Variants in HS3ST4 observed in about 807,000 individuals in gnomAD.
HS3ST4 encodes the protein heparan sulfate glucosamine 3-O-sulfotransferase 4.
A neutral mutation model predicts 29.2 loss-of-function variants in HS3ST4; 17 were observed. That is an observed-to-expected ratio of 0.58 (90% CI 0.40 to 0.87). The LOEUF (loss-of-function observed/expected upper bound fraction) is 0.87. HS3ST4 is among the 40% of genes least tolerant of loss of function. HS3ST4 has a pLI of 0.00. For synonymous variants in HS3ST4, 314 were observed against 285.7 expected (o/e 1.10, Z -1.00); for missense variants, 627 against 634.5 (o/e 0.99, Z 0.13).
chr16:26,055,557 TACTC>T lies in HS3ST4; in HGVS notation c.735-80051_735-80048del, dbSNP rs138098451. Among the ~76,000 whole-genome samples, 316 of 152,256 alleles carry T rather than the reference TACTC, an allele frequency of 2.1e-3. 5 individuals are homozygous for T. Among genetic ancestry groups the T allele is most frequent in the African/African-American group, 7.2e-3 (301 of 41,540 alleles). ...ATGGTGGTAGCCTAGTTCTGGGTGT[TACTC>T]ACTAATCTAGCTAAGGCTAGCAATA... On this transcript the variant is annotated intron_variant, in intron 1 of 1. Transcript: ENST00000331351.
At chr16:26,129,198 G>A (rs1899386121) in intron 1 of HS3ST4, among the ~76,000 whole-genome samples, 1 of 152,214 alleles carries the variant, frequency 6.6e-6, no homozygotes, top group South Asian at 2.1e-4. Flanking sequence ...AATTTCTAGG[G>A]ATTCTGGTCT....
At chr16:25,961,180 C>A (rs1968789736) in intron 1 of HS3ST4, among the ~76,000 whole-genome samples, 1 of 152,170 alleles carries the variant, frequency 6.6e-6, no homozygotes, top group Non-Finnish European at 1.5e-5. Flanking sequence ...ACGGTAGCCA[C>A]AACCAACAGC....
At chr16:25,766,851 T>A (rs556350261) in intron 1 of HS3ST4, among the ~76,000 whole-genome samples, 33 of 152,264 alleles carry the variant, frequency 2.2e-4, no homozygotes, top group African/African-American at 7.9e-4. Context: ...GAGGGTCCTG[T>A]CATCTCCATT....
intron 1 of HS3ST4, among the ~76,000 whole-genome samples, chr16:25,857,015 T>C (rs547192868): frequency 6.6e-6 from 1 of 152,292 alleles, no homozygotes; most frequent in East Asian, 1.9e-4. Context: ...TTTGTTGGAC[T>C]TGACCTGTTG....
chr16:25,748,433 C>A (rs924137245), intron 1 of HS3ST4, among the ~76,000 whole-genome samples: 1 of 152,142 alleles, frequency 6.6e-6, no homozygotes, highest in Non-Finnish European at 1.5e-5. Context: ...ACTGCAGAGC[C>A]CAGCTCCTAC....
At chr16:26,006,300 GAAAAAAAA>G (rs11461863) in intron 1 of HS3ST4, among the ~76,000 whole-genome samples, 138 of 68,672 alleles carry the variant, frequency 2.0e-3, no homozygotes, top group African/African-American at 7.9e-3. Flanking sequence ...CTCTGTTTCA[GAAAAAAAA>G]AAAAAAAAAA....
chr16:25,873,378 TCATCCATCCATC>T (rs371356328), intron 1 of HS3ST4, among the ~76,000 whole-genome samples: 20 of 96,758 alleles, frequency 2.1e-4, no homozygotes, highest in East Asian at 6.4e-4. Flanking sequence ...AGCCATCCAG[TCATCCATCCATC>T]CATCCATCCA....
At position 25,943,316 on chromosome 16, in the gene HS3ST4, G is replaced by C. The variant is rs1003777435; in HGVS notation, c.735-192296G>C. Among the ~76,000 whole-genome samples the C allele has an allele frequency of 4.6e-5, 7 of 152,152 alleles. No homozygotes were observed. The East Asian group carries it at 1.3e-3, about 29-fold the overall frequency. ...AATCCAGGAAATATGGAATAGTTCT[G>C]AATACTCTGGAGCAACATGAGGTGC... On this transcript the variant is annotated intron_variant, in intron 1 of 1. Coordinates refer to ENST00000331351, the MANE Select transcript of HS3ST4 (RefSeq NM_006040.3).
chr16:26,077,723 A>G (rs1052693227), intron 1 of HS3ST4, among the ~76,000 whole-genome samples: 5 of 152,250 alleles, frequency 3.3e-5, no homozygotes, highest in African/African-American at 7.2e-5. Flanking sequence ...AAGGACATTT[A>G]TGTAGATATG....
rs138427066 is a variant in HS3ST4, at chr16:25,863,817, C to T, written c.734+170666C>T. On this transcript the variant is annotated intron_variant, in intron 1 of 1. Transcript: ENST00000331351. ...TGAACATCGTGCTACTCAAGAAGTC[C>T]AGTGTTTGGGTGGCTGCTTAGTCCG... is the stretch of plus-strand genomic sequence containing the variant. Among the ~76,000 whole-genome samples, 301 of 152,290 alleles carry T rather than the reference C, an allele frequency of 2.0e-3. 2 individuals carry two copies. The highest frequency in any genetic ancestry group is 6.8e-3 in the Middle Eastern group (2 of 294).
Position 25,784,837 on chromosome 16 carries a change from A to G in HS3ST4, c.734+91686A>G, listed in dbSNP as rs1254308974. On this transcript the variant is annotated intron_variant, in intron 1 of 1. Coordinates refer to ENST00000331351, the MANE Select transcript of HS3ST4 (RefSeq NM_006040.3). The stretch of plus-strand genomic sequence containing the variant: ...GGCTACACTAAACAACAGATTTTCA[A>G]TGTAGATGAAATAGTCATTCTATTG... 3.3e-5 allele frequency among the ~76,000 whole-genome samples: 5 copies of G among 152,232 alleles called. No individual in the cohort carries two copies. The East Asian group carries it at 9.6e-4, about 29-fold the overall frequency.
intron 1 of HS3ST4, among the ~76,000 whole-genome samples, chr16:25,928,274 A>T (rs1268775292): frequency 2.6e-5 from 4 of 151,864 alleles, no homozygotes; most frequent in African/African-American, 9.7e-5. Context: ...CTGAGGTAGG[A>T]GGATCGCTTG....
chr16:25,728,280 G>A (rs941902801), intron 1 of HS3ST4, among the ~76,000 whole-genome samples: 2 of 152,134 alleles, frequency 1.3e-5, no homozygotes, highest in East Asian at 1.9e-4. Context: ...GATTACAGGC[G>A]TGAGCCACTG....
At chr16:26,084,791 G>A (rs1898766223) in intron 1 of HS3ST4, among the ~76,000 whole-genome samples, 1 of 151,078 alleles carries the variant, frequency 6.6e-6, no homozygotes, top group African/African-American at 2.4e-5. Flanking sequence ...ATTTTATTTT[G>A]TAGAGACAGG....
chr16:25,709,186 A>T (rs1013189291), intron 1 of HS3ST4, among the ~76,000 whole-genome samples: 3 of 151,822 alleles, frequency 2.0e-5, no homozygotes, highest in Non-Finnish European at 4.4e-5. Flanking sequence ...AGTTCTCAAA[A>T]CTTCTCTCCT....
chr16:25,831,080 G>T (rs1018139887), intron 1 of HS3ST4, among the ~76,000 whole-genome samples: 7 of 152,116 alleles, frequency 4.6e-5, no homozygotes, highest in African/African-American at 1.7e-4. Flanking sequence ...CTCTGCTGTG[G>T]CTTGAATGCC....
At chr16:25,763,076 C>T (rs1435079957) in intron 1 of HS3ST4, among the ~76,000 whole-genome samples, 1 of 152,020 alleles carries the variant, frequency 6.6e-6, no homozygotes, top group African/African-American at 2.4e-5. Context: ...TTGATTATTT[C>T]CCACACCCTT....
intron 1 of HS3ST4, among the ~76,000 whole-genome samples, chr16:26,050,805 T>C (rs1898332856): frequency 2.0e-5 from 3 of 152,210 alleles, no homozygotes; most frequent in Admixed American, 2.0e-4. Context: ...TCCAGTGTTA[T>C]TACCGTGAGC....
At chr16:25,839,731 T>A (rs1184548593) in intron 1 of HS3ST4, among the ~76,000 whole-genome samples, 10 of 152,218 alleles carry the variant, frequency 6.6e-5, no homozygotes, top group African/African-American at 2.4e-4. Context: ...CATGAGAGTC[T>A]AGGTCAGTCA....
Sources: allele counts gnomAD v4.1 joint callset (sites outside exome capture counted in the v4.1 genomes callset), GRCh38; gene constraint gnomAD v4.1.1; transcripts MANE v1.5; gene names NCBI Gene and HGNC (gene_info 2026-07-23, HGNC 2026-07-21).